TSC22D3: variants seen among roughly 807,000 people sequenced by gnomAD.
TSC22D3 encodes the protein TSC22 domain family protein 3.
Under a neutral mutation model 11.1 loss-of-function variants are expected in TSC22D3, and 4 were observed. The observed-to-expected ratio is 0.36, with a 90% confidence interval of 0.18 to 0.83. TSC22D3 has a LOEUF of 0.83. Ranked by LOEUF, TSC22D3 falls within the 40% of genes least tolerant of loss-of-function variation. The probability of loss-of-function intolerance (pLI) is 0.48; values close to 1 mark genes in which losing one functional copy is unlikely to be tolerated. For synonymous variants in TSC22D3, 77 were observed against 70.3 expected (o/e 1.10, Z -0.48); for missense variants, 118 against 159.4 (o/e 0.74, Z 1.40).
At chrX:107,715,625 CCAA>C (rs1926971075) in intron 2 of TSC22D3, 1 of 407,706 alleles carries the variant, frequency 2.5e-6, no homozygotes, top group African/African-American at 2.5e-5. Flanking sequence ...AGCTCCCTGC[CCAA>C]CAACAGGCCC....
chrX:107,756,522 G>A (rs768396022), intron 1 of TSC22D3, among the ~76,000 whole-genome samples: 137 of 112,608 alleles, frequency 1.2e-3, no homozygotes, highest in Non-Finnish European at 1.2e-3. Flanking sequence ...GGTCCCCACC[G>A]CCAACAAGCA....
intron 1 of TSC22D3, among the ~76,000 whole-genome samples, chrX:107,736,085 G>A (rs756125697): frequency 2.9e-4 from 33 of 111,898 alleles, no homozygotes; most frequent in African/African-American, 8.4e-4. Context: ...TTGCCCTTTA[G>A]GCCTTGGCTC....
At chrX:107,716,526 T>G (rs1927042472) in intron 1 of TSC22D3, 2 of 1,004,574 alleles carry the variant, frequency 2.0e-6, no homozygotes, top group Admixed American at 4.7e-5. Context: ...AGAGCGGCGG[T>G]GACCCCCCCC....
intron 1 of TSC22D3, among the ~76,000 whole-genome samples, chrX:107,738,168 T>C (rs1440483547): frequency 8.9e-6 from 1 of 112,251 alleles, no homozygotes; most frequent in African/African-American, 3.2e-5. Flanking sequence ...GGACAGGCAT[T>C]TTGGGAGAAG....
Position 107,720,708 on chromosome X carries a change from A to G in TSC22D3, c.321-4758T>C, listed in dbSNP as rs1927282741. 1.9e-5 allele frequency among the ~76,000 whole-genome samples: 2 copies of G among 106,845 alleles called. 1 individual carries two copies. The highest frequency in any genetic ancestry group is 2.0e-4 in the Admixed American group (2 of 9,973). The allele number at this position is 106,845 out of a possible 115,157, so 92.8% of individuals were successfully genotyped here. On this transcript the variant is annotated intron_variant, in intron 1 of 2. Coordinates refer to ENST00000372383, the MANE Select transcript of TSC22D3 (RefSeq NM_198057.3). ...AACTCTGTCTAAAGAAAAAAAAGAA[A>G]AGAAAAGAAAAAAGATTTTCCAACA...
At chrX:107,717,390 C>A (rs1408877633) in intron 1 of TSC22D3, among the ~76,000 whole-genome samples, 1 of 112,776 alleles carries the variant, frequency 8.9e-6, no homozygotes, top group East Asian at 2.8e-4. Flanking sequence ...AGCCAGCATG[C>A]CCCCATGGCT....
chrX:107,740,590 A>AG (rs1569450961), intron 1 of TSC22D3, among the ~76,000 whole-genome samples: 1 of 110,862 alleles, frequency 9.0e-6, no homozygotes, highest in African/African-American at 3.3e-5. Context: ...AAAAAAAAAA[A>AG]AGAGAGAGAG....
intron 1 of TSC22D3, among the ~76,000 whole-genome samples, chrX:107,741,543 C>T (rs1011169776): frequency 8.9e-6 from 1 of 112,947 alleles, no homozygotes; most frequent in African/African-American, 3.2e-5. Context: ...ACACACACAG[C>T]GCAGCCAGGC....
chrX:107,764,180 T>C (rs1259171877), intron 1 of TSC22D3, among the ~76,000 whole-genome samples: 1 of 112,523 alleles, frequency 8.9e-6, no homozygotes, highest in Non-Finnish European at 1.9e-5. Context: ...TATGCTTCAT[T>C]AGCATGACTA....
chrX:107,751,507 T>C (rs1226440762), intron 1 of TSC22D3, among the ~76,000 whole-genome samples: 2 of 112,408 alleles, frequency 1.8e-5, no homozygotes, highest in African/African-American at 6.5e-5. Flanking sequence ...GTTCCTCCCT[T>C]TAACCGAGAA....
intron 1 of TSC22D3, among the ~76,000 whole-genome samples, chrX:107,735,539 C>T (rs1235016997): frequency 9.0e-6 from 1 of 111,141 alleles, no homozygotes; most frequent in African/African-American, 3.3e-5. Flanking sequence ...TAGCATTCAC[C>T]ACCACCCTCA....
intron 1 of TSC22D3, among the ~76,000 whole-genome samples, chrX:107,720,642 G>A (rs933343438): frequency 7.2e-5 from 8 of 111,107 alleles, no homozygotes; most frequent in Non-Finnish European, 1.1e-4. Flanking sequence ...GCAGTGAGCC[G>A]AGATCGTGGC....
At chrX:107,747,691 C>T (rs752995510) in intron 1 of TSC22D3, among the ~76,000 whole-genome samples, 9 of 112,965 alleles carry the variant, frequency 8.0e-5, no homozygotes, top group Admixed American at 1.9e-4. Flanking sequence ...CGGCTGTTGC[C>T]GTTGCTGCTC....
intron 1 of TSC22D3, among the ~76,000 whole-genome samples, chrX:107,741,404 C>G (rs756851031): frequency 4.4e-5 from 5 of 112,766 alleles, no homozygotes; most frequent in East Asian, 2.8e-4. Flanking sequence ...AGCTCTCCCC[C>G]ACTCCCACAT....
chrX:107,774,730 A>T (rs1053078462), intron 1 of TSC22D3, among the ~76,000 whole-genome samples: 6 of 111,985 alleles, frequency 5.4e-5, no homozygotes, highest in African/African-American at 1.3e-4. Flanking sequence ...GGCTTTTGAG[A>T]AGGGTAGAAC....
At chrX:107,731,605 A>G (rs970918858) in intron 1 of TSC22D3, among the ~76,000 whole-genome samples, 3 of 111,862 alleles carry the variant, frequency 2.7e-5, no homozygotes, top group Non-Finnish European at 3.8e-5. Flanking sequence ...AATGGATGGC[A>G]AGAATGACTT....
intron 1 of TSC22D3, among the ~76,000 whole-genome samples, chrX:107,733,875 G>T (rs1220087708): frequency 8.9e-6 from 1 of 111,940 alleles, no homozygotes; most frequent in Non-Finnish European, 1.9e-5. Flanking sequence ...TTGCCAGATA[G>T]ACAACTGCCT....
chrX:107,717,259 A>G (rs1423813106), intron 1 of TSC22D3: 1 of 174,566 alleles, frequency 5.7e-6, no homozygotes, highest in East Asian at 2.5e-4. Flanking sequence ...GGCTCTGGAG[A>G]TCGATAAAAA....
At chrX:107,729,373 TGA>T (rs1437974703) in intron 1 of TSC22D3, among the ~76,000 whole-genome samples, 1 of 111,557 alleles carries the variant, frequency 9.0e-6, no homozygotes, top group Admixed American at 9.5e-5. Context: ...CCCAAAGGAA[TGA>T]GTCTAGTGGG....
Sources: allele counts gnomAD v4.1 joint callset (sites outside exome capture counted in the v4.1 genomes callset), GRCh38; gene constraint gnomAD v4.1.1; transcripts MANE v1.5; gene names NCBI Gene and HGNC (gene_info 2026-07-23, HGNC 2026-07-21).